ST6GALNAC3: variants seen among roughly 807,000 people sequenced by gnomAD.
The protein encoded by ST6GALNAC3 is ST6 N-acetylgalactosaminide alpha-2,6-sialyltransferase 3, also known as alpha-N-acetylgalactosaminide alpha-2,6-sialyltransferase 3.
ST6GALNAC3 carries 25 observed loss-of-function variants against 32.7 expected under a neutral mutation model. The ratio of observed to expected loss-of-function variants is 0.76; its 90% CI spans 0.56 to 1.07. The LOEUF (loss-of-function observed/expected upper bound fraction) is 1.07. Ranked by LOEUF, ST6GALNAC3 falls within the 50% of genes least tolerant of loss-of-function variation. ST6GALNAC3 has a pLI of 0.00. For synonymous variants in ST6GALNAC3, 129 were observed against 133.1 expected (o/e 0.97, Z 0.21); for missense variants, 355 against 382.4 (o/e 0.93, Z 0.60).
intron 3 of ST6GALNAC3, among the ~76,000 whole-genome samples, chr1:76,553,355 G>GA (rs5775348): frequency 0.32 from 47,960 of 152,054 alleles, 8,097 homozygotes; most frequent in African/African-American, 0.44. Flanking sequence ...ACCACAAAAT[G>GA]AGGGTTGCTA....
intron 3 of ST6GALNAC3, among the ~76,000 whole-genome samples, chr1:76,520,471 CACACACAT>C (rs1425730373): frequency 6.6e-6 from 1 of 152,084 alleles, no homozygotes; most frequent in Non-Finnish European, 1.5e-5. Context: ...ACATACCATA[CACACACAT>C]ACACACATAC....
intron 3 of ST6GALNAC3, among the ~76,000 whole-genome samples, chr1:76,530,465 A>G (rs1034363359): frequency 5.9e-4 from 90 of 152,316 alleles, no homozygotes; most frequent in African/African-American, 2.0e-3. Context: ...TGCCACATGA[A>G]GAAAGTCCAG....
intron 2 of ST6GALNAC3, among the ~76,000 whole-genome samples, chr1:76,344,764 T>C (rs539995130): frequency 6.6e-6 from 1 of 152,322 alleles, no homozygotes; most frequent in South Asian, 2.1e-4. Flanking sequence ...TGCTGGTGTA[T>C]AGTAAAGGCT....
intron 3 of ST6GALNAC3, among the ~76,000 whole-genome samples, chr1:76,609,893 C>G (rs1647809418): frequency 6.6e-6 from 1 of 152,098 alleles, no homozygotes; most frequent in Non-Finnish European, 1.5e-5. Flanking sequence ...TCCTTGCACT[C>G]CTGGAATAGA....
chr1:76,568,233 A>G (rs897102872), intron 3 of ST6GALNAC3, among the ~76,000 whole-genome samples: 2 of 152,150 alleles, frequency 1.3e-5, no homozygotes, highest in South Asian at 2.1e-4. Flanking sequence ...TGGCTTGCCC[A>G]AGAACAGACC....
intron 3 of ST6GALNAC3, among the ~76,000 whole-genome samples, chr1:76,497,150 C>T (rs1305246344): frequency 6.6e-6 from 1 of 151,956 alleles, no homozygotes; most frequent in Non-Finnish European, 1.5e-5. Flanking sequence ...AAGGGGTAGC[C>T]ACAAGATTTG....
intron 3 of ST6GALNAC3, among the ~76,000 whole-genome samples, chr1:76,429,885 T>G (rs1655636614): frequency 6.6e-6 from 1 of 152,180 alleles, no homozygotes; most frequent in African/African-American, 2.4e-5. Context: ...TTTCTACCAT[T>G]CCTTTTATTG....
At chr1:76,294,137 C>T (rs539842830) in intron 1 of ST6GALNAC3, among the ~76,000 whole-genome samples, 1 of 152,124 alleles carries the variant, frequency 6.6e-6, no homozygotes, top group South Asian at 2.1e-4. Flanking sequence ...ATAGGAGTCT[C>T]ATTGTTCCCA....
intron 1 of ST6GALNAC3, among the ~76,000 whole-genome samples, chr1:76,146,803 A>G (rs1650711379): frequency 6.6e-6 from 1 of 152,204 alleles, no homozygotes; most frequent in Non-Finnish European, 1.5e-5. Context: ...AACTTTTAAT[A>G]TGCTGCCAGG....
intron 1 of ST6GALNAC3, among the ~76,000 whole-genome samples, chr1:76,195,847 A>T (rs572732668): frequency 2.6e-5 from 4 of 152,216 alleles, no homozygotes; most frequent in Admixed American, 1.3e-4. Flanking sequence ...GCTTGGTTGG[A>T]CTGTACAGTT....
chr1:76,470,718 G>A (rs940659268), intron 3 of ST6GALNAC3, among the ~76,000 whole-genome samples: 1 of 152,040 alleles, frequency 6.6e-6, no homozygotes, highest in African/African-American at 2.4e-5. Context: ...TAGTCCAAAT[G>A]AGGTCACCTG....
chr1:76,501,731 G>A lies in ST6GALNAC3; in HGVS notation c.623+89314G>A, dbSNP rs116028297. Among the ~76,000 whole-genome samples the A allele has an allele frequency of 8.2e-3, 1,254 of 152,330 alleles. 22 individuals are homozygous for A. The highest frequency in any genetic ancestry group is 0.028 in the African/African-American group (1,168 of 41,574). On this transcript the variant is annotated intron_variant, in intron 3 of 4. Transcript: ENST00000328299. ...GCTTCAACAGGAGAACAAAGAGGAA[G>A]AGGAAGCGGTGTTTAATGAGTGCAC...
intron 3 of ST6GALNAC3, among the ~76,000 whole-genome samples, chr1:76,461,805 C>T (rs971715854): frequency 1.3e-5 from 2 of 152,140 alleles, no homozygotes; most frequent in Admixed American, 6.5e-5. Flanking sequence ...ATTGAAACCC[C>T]ACAAGGTGAT....
At chr1:76,094,244 G>A (rs759036813) in intron 1 of ST6GALNAC3, among the ~76,000 whole-genome samples, 2 of 152,138 alleles carry the variant, frequency 1.3e-5, no homozygotes, top group African/African-American at 2.4e-5. Context: ...TCACGGAGGC[G>A]AGGGAGATCA....
In ST6GALNAC3 at chr1:76,545,063, C is replaced by A. The variant is rs116393303; in HGVS notation, c.624-82389C>A. On this transcript the variant is annotated intron_variant, in intron 3 of 4. Coordinates refer to ENST00000328299, the MANE Select transcript of ST6GALNAC3 (RefSeq NM_152996.4). ...CAGCAGTGGCAAACCACTACCGTAG[C>A]GTTTCTGCAACTGCCTTAGGCAGGA... Among the ~76,000 whole-genome samples, 881 of 152,294 alleles carry A rather than the reference C, an allele frequency of 5.8e-3. 7 individuals are homozygous for A. The Middle Eastern group carries it at 0.071, about 12-fold the overall frequency.
At chr1:76,075,278 GA>G (rs1434511897) in intron 1 of ST6GALNAC3, among the ~76,000 whole-genome samples, 1 of 152,174 alleles carries the variant, frequency 6.6e-6, no homozygotes, top group East Asian at 1.9e-4. Context: ...TGCTGGTGGT[GA>G]GGGGCATAGC....
chr1:76,483,981 C>T (rs1387799750), intron 3 of ST6GALNAC3, among the ~76,000 whole-genome samples: 1 of 152,196 alleles, frequency 6.6e-6, no homozygotes, highest in Non-Finnish European at 1.5e-5. Flanking sequence ...AATAGGGAAT[C>T]CTTTCCCCAT....
chr1:76,156,296 C>T (rs1439965239), intron 1 of ST6GALNAC3, among the ~76,000 whole-genome samples: 1 of 148,508 alleles, frequency 6.7e-6, no homozygotes, highest in Admixed American at 6.7e-5. Context: ...GTCCCCTCTC[C>T]TTTTTTTATA....
At chr1:76,229,891 C>A (rs1163998223) in intron 1 of ST6GALNAC3, among the ~76,000 whole-genome samples, 1 of 152,180 alleles carries the variant, frequency 6.6e-6, no homozygotes, top group Non-Finnish European at 1.5e-5. Context: ...TAGGGAGGAG[C>A]AGAGGGGCCT....
Sources: allele counts gnomAD v4.1 joint callset (sites outside exome capture counted in the v4.1 genomes callset), GRCh38; gene constraint gnomAD v4.1.1; transcripts MANE v1.5; gene names NCBI Gene and HGNC (gene_info 2026-07-23, HGNC 2026-07-21).